Variants in KDM1B observed in about 807,000 individuals in gnomAD.
The protein encoded by KDM1B is lysine-specific histone demethylase 2.
Under a neutral mutation model 107.4 loss-of-function variants are expected in KDM1B, and 63 were observed. The ratio of observed to expected loss-of-function variants is 0.59; its 90% CI spans 0.48 to 0.72. KDM1B has a LOEUF of 0.72. KDM1B is among the 30% of genes least tolerant of loss of function. The pLI is 0.00. For missense variants in KDM1B, 749 were observed against 1,020.8 expected, an observed-to-expected ratio of 0.73 and a Z score of 3.63; for synonymous variants, 363 against 363.9, an observed-to-expected ratio of 1.00 and a Z score of 0.03.
rs1788980634 is a variant in KDM1B at position 18,213,212 on chromosome 6, G to A, written c.1984-444G>A. On this transcript the variant is annotated intron_variant, in intron 18 of 21. Transcript: ENST00000650836. This position sits in a 1 kb window ranked among gnomAD's most constrained non-coding sequence, Gnocchi z 5.9. ...AGCACTTTGGAAGGCTGAGGAGGAT[G>A]GATTACCTGAGGTCAGGAGTTCAAG... Among the ~76,000 whole-genome samples, 2 of 152,198 alleles carry A rather than the reference G, an allele frequency of 1.3e-5. 1 individual carries two copies. Among genetic ancestry groups the A allele is most frequent in the South Asian group, 4.1e-4 (2 of 4,820 alleles).
In KDM1B at chr6:18,197,867, T is replaced by G. The variant is rs1416704084; in HGVS notation, c.1221+206T>G. Reference sequence around the variant, plus strand: ...GAAATTCTCACAGCTTTGGAGATAATTTTAGACTCTAATGAGCAAGTCAGA... The same window carrying G: ...GAAATTCTCACAGCTTTGGAGATAAGTTTAGACTCTAATGAGCAAGTCAGA... On this transcript the variant is annotated intron_variant, in intron 12 of 21. Coordinates refer to ENST00000650836, the MANE Select transcript of KDM1B (RefSeq NM_001364614.2). The surrounding 1 kb of genome is among the most constrained non-coding windows in gnomAD (Gnocchi z 4.5). Among the ~76,000 whole-genome samples the G allele has an allele frequency of 6.6e-6, 1 of 152,090 alleles. No individual in the cohort carries two copies. Among genetic ancestry groups the G allele is most frequent in the Non-Finnish European group, 1.5e-5 (1 of 68,018 alleles).
intron 10 of KDM1B, among the ~76,000 whole-genome samples, chr6:18,193,444 C>T (rs1211716667): frequency 6.6e-6 from 1 of 150,778 alleles, no homozygotes; most frequent in Admixed American, 6.6e-5. Context: ...GTAGTTGGGA[C>T]CACAGGCACG....
intron 7 of KDM1B, among the ~76,000 whole-genome samples, chr6:18,180,136 T>C (rs370950126): frequency 2.0e-5 from 3 of 151,662 alleles, no homozygotes; most frequent in African/African-American, 7.3e-5. Context: ...TGAAGGCCTC[T>C]CTGAGAAGAG....
At chr6:18,207,272 G>A (rs1252176141) in intron 15 of KDM1B, 126 bp from the exon 16 acceptor site, 1 of 905,548 alleles carries the variant, frequency 1.1e-6, no homozygotes, top group African/African-American at 1.6e-5. Flanking sequence ...CTCTGCCTAG[G>A]CTGGTCTGCC....
At chr6:18,190,310 A>C (rs1787188890) in intron 9 of KDM1B, among the ~76,000 whole-genome samples, 1 of 151,990 alleles carries the variant, frequency 6.6e-6, no homozygotes, top group African/African-American at 2.4e-5. Flanking sequence ...ACAGATAAGA[A>C]GGCCGGGCGC....
Position 18,204,972 on chromosome 6 carries a change from G to A in KDM1B, c.1532-565G>A, listed in dbSNP as rs1271830251. ...GCTAGCTTTGCCTGGCTGTGGTTGGGGAATTTATTACATAGGCAACCAGTA... is the reference window on the plus strand; with the variant it reads ...GCTAGCTTTGCCTGGCTGTGGTTGGAGAATTTATTACATAGGCAACCAGTA... On this transcript the variant is annotated intron_variant, in intron 14 of 21. Coordinates refer to ENST00000650836, the MANE Select transcript of KDM1B (RefSeq NM_001364614.2). The surrounding 1 kb of genome is among the most constrained non-coding windows in gnomAD (Gnocchi z 4.9). Among the ~76,000 whole-genome samples the A allele has an allele frequency of 6.6e-6, 1 of 152,216 alleles. No individual in the cohort carries two copies.
intron 12 of KDM1B, among the ~76,000 whole-genome samples, chr6:18,198,807 G>T (rs1354306155): frequency 1.3e-5 from 2 of 151,410 alleles, no homozygotes; most frequent in African/African-American, 4.8e-5. Context: ...TACAAGGAAG[G>T]TTATTAAAAT....
At position 18,211,976 on chromosome 6, in the gene KDM1B, C is replaced by T. The variant is rs1311167352; in HGVS notation, c.1867-512C>T. ...TTTTTTTTTTTTTTTGAGACAGTCTCGCTCTGTTGCCCAGGCTGGAGTGTA... is the reference window on the plus strand; with the variant it reads ...TTTTTTTTTTTTTTTGAGACAGTCTTGCTCTGTTGCCCAGGCTGGAGTGTA... On this transcript the variant is annotated intron_variant, in intron 17 of 21. Transcript: ENST00000650836. The surrounding 1 kb of genome is among the most constrained non-coding windows in gnomAD (Gnocchi z 5.2). 11 of 150,590 alleles carry T rather than the reference C, an allele frequency of 7.3e-5. No individual in the cohort carries two copies. Among genetic ancestry groups the T allele is most frequent in the African/African-American group, 1.0e-4 (4 of 39,818 alleles). 9.3% of individuals were successfully genotyped at this position (150,590 alleles called of 1,614,324 possible).
At chr6:18,221,812 T>C in intron 21 of KDM1B, 97 bp from the exon 22 acceptor site, 5 of 977,332 alleles carry the variant, frequency 5.1e-6, no homozygotes, top group Non-Finnish European at 7.8e-6. Context: ...GTGGCACAAA[T>C]CTTTATGTTA....
At position 18,197,550 on chromosome 6, in the gene KDM1B, C is replaced by G; in HGVS notation, c.1147-37C>G. 1 of 1,515,084 alleles carries G rather than the reference C, an allele frequency of 6.6e-7. No homozygotes were observed. Among genetic ancestry groups the G allele is most frequent in the Middle Eastern group, 1.7e-4 (1 of 5,896 alleles). The allele number at this position is 1,515,084 out of a possible 1,614,324, so 93.9% of individuals were successfully genotyped here. A position where few individuals can be genotyped will look rare whatever the true frequency, so the allele number is the denominator to read the frequency against. The stretch of plus-strand genomic sequence containing the variant: ...AACTAAAACAGGACGTTGTTATCAT[C>G]TGCTCTAATTGGACTTTTGTTTCTT... On this transcript the variant is annotated intron_variant, in intron 11 of 21. Transcript: ENST00000650836. This position sits in a 1 kb window ranked among gnomAD's most constrained non-coding sequence, Gnocchi z 4.5.
chr6:18,196,264 A>G (rs1238362986), intron 10 of KDM1B, among the ~76,000 whole-genome samples: 4 of 152,152 alleles, frequency 2.6e-5, no homozygotes. Flanking sequence ...ATATCATGGC[A>G]GTTGTGATAA....
At position 18,217,793 on chromosome 6, in the gene KDM1B, A is replaced by G; in HGVS notation, c.2293A>G (p.Met765Val). The G allele has an allele frequency of 6.2e-7, 1 of 1,613,992 alleles. No individual in the cohort carries two copies. The change falls in exon 21 of 22, where the codon ATG becomes GTG. Residue 765 changes from methionine to valine, a missense_variant. Physicochemically the swap from Met to Val is conservative, Grantham distance 21 (BLOSUM62 1). Transcript: ENST00000650836. Reference protein sequence around the residue: ...TRWSTDPWIQMAYSFVKTGGS... With the variant: ...TRWSTDPWIQVAYSFVKTGGS... Reference sequence around the variant, plus strand: ...GTGGAGCACAGACCCATGGATCCAGATGGCATACAGTTTTGTGAAGACAGG... The same window carrying G: ...GTGGAGCACAGACCCATGGATCCAGGTGGCATACAGTTTTGTGAAGACAGG...
chr6:18,221,817 A>C, intron 21 of KDM1B, 92 bp from the exon 22 acceptor site: 1 of 1,007,492 alleles, frequency 9.9e-7, no homozygotes, highest in Non-Finnish European at 1.5e-6. Flanking sequence ...ACAAATCTTT[A>C]TGTTAGACCA....
At chr6:18,173,622 GT>G (rs1371993774) in intron 7 of KDM1B, among the ~76,000 whole-genome samples, 6 of 151,880 alleles carry the variant, frequency 4.0e-5, no homozygotes, top group Non-Finnish European at 8.8e-5. Context: ...GTGCCTTATA[GT>G]TTTCATCTTT....
At position 18,163,339 on chromosome 6, in the gene KDM1B, C is replaced by G. The variant is rs142057827; in HGVS notation, c.305+415C>G. Among the ~76,000 whole-genome samples the G allele has an allele frequency of 9.4e-3, 1,432 of 152,226 alleles. 15 individuals are homozygous for G. The highest frequency in any genetic ancestry group is 0.016 in the Non-Finnish European group (1,065 of 68,022). ...CCTCCCAAAGTGCTGGGATTACAGG[C>G]GTGAGCCACTGCACCCAGCGAAACA... On this transcript the variant is annotated intron_variant, in intron 5 of 21. Transcript: ENST00000650836.
Position 18,197,730 on chromosome 6 carries a change from T to A in KDM1B, c.1221+69T>A. On this transcript the variant is annotated intron_variant, in intron 12 of 21. Transcript: ENST00000650836. The surrounding 1 kb of genome is among the most constrained non-coding windows in gnomAD (Gnocchi z 4.5). ...TCCTTTTGGTCCAAATTTCTAAGAT[T>A]TAGAAACCAGTTCCTATTTTTAGTG... is the stretch of plus-strand genomic sequence containing the variant. The A allele has an allele frequency of 1.8e-6, 2 of 1,112,130 alleles. No homozygotes were observed. The highest frequency in any genetic ancestry group is 2.7e-6 in the Non-Finnish European group (2 of 749,180). 68.9% of individuals were successfully genotyped at this position (1,112,130 alleles called of 1,614,324 possible).
rs1444884300 is a variant in KDM1B, at chr6:18,159,448, G to T, written c.-13-435G>T. ...TTTCTCATTTTGTATCTTTTAATGTGCATAACTACTAATAGGTAATGTTTA... is the reference window on the plus strand; with the variant it reads ...TTTCTCATTTTGTATCTTTTAATGTTCATAACTACTAATAGGTAATGTTTA... On this transcript the variant is annotated intron_variant, in intron 2 of 21. Transcript: ENST00000650836. The surrounding 1 kb of genome is among the most constrained non-coding windows in gnomAD (Gnocchi z 4.5). Among the ~76,000 whole-genome samples, 1 of 152,184 alleles carries T rather than the reference G, an allele frequency of 6.6e-6. No homozygotes were observed. The highest frequency in any genetic ancestry group is 1.5e-5 in the Non-Finnish European group (1 of 68,030).
intron 17 of KDM1B, among the ~76,000 whole-genome samples, chr6:18,210,238 C>A (rs1204080130): frequency 6.6e-6 from 1 of 151,746 alleles, no homozygotes; most frequent in Non-Finnish European, 1.5e-5. Context: ...TCAGTCTAGG[C>A]TGCTTCCATT....
chr6:18,166,309 A>T lies in KDM1B; in HGVS notation c.348A>T (p.Ile116=). 6.2e-7 allele frequency: 1 copy of T among 1,612,322 alleles called. No individual in the cohort carries two copies. Among genetic ancestry groups the T allele is most frequent in the Non-Finnish European group, 8.5e-7 (1 of 1,178,360 alleles). Reference sequence around the variant, plus strand: ...ACAAATATACTACATGGAAAAAAATATGGACTAGCAATGGCAAAACCGAAC... The same window carrying T: ...ACAAATATACTACATGGAAAAAAATTTGGACTAGCAATGGCAAAACCGAAC... ...GYDKYTTWKK[I]WTSNGKTEPS... Residue 116 remains isoleucine (I), a synonymous_variant, in exon 6 of 22, where the codon ATA becomes ATT. Transcript: ENST00000650836.
Sources: allele counts gnomAD v4.1 joint callset (sites outside exome capture counted in the v4.1 genomes callset), GRCh38; gene constraint gnomAD v4.1.1; non-coding constraint Gnocchi (gnomAD v3.1); transcripts MANE v1.5; gene names NCBI Gene and HGNC (gene_info 2026-07-23, HGNC 2026-07-21).